CEP95: variants seen among roughly 807,000 people sequenced by gnomAD.
CEP95 encodes the protein centrosomal protein of 95 kDa.
CEP95 carries 98 observed loss-of-function variants against 111.2 expected under a neutral mutation model. The observed-to-expected ratio is 0.88, with a 90% CI of 0.75 to 1.04. CEP95 has a LOEUF of 1.04. Ranked by LOEUF, CEP95 falls within the 50% of genes least tolerant of loss-of-function variation. The pLI, the probability that CEP95 is intolerant of heterozygous loss-of-function variation, is 0.00. For missense variants in CEP95, 1,027 were observed against 977.2 expected (o/e 1.05, Z -0.68); for synonymous variants, 323 against 327.1 (o/e 0.99, Z 0.14).
intron 14 of CEP95, 131 bp downstream of exon 14, chr17:64,532,153 A>T: frequency 7.3e-7 from 1 of 1,366,030 alleles, no homozygotes. Context: ...TTTCCCAATC[A>T]CTGCCATGTG....
chr17:64,515,963 C>G (rs1555676239), intron 4 of CEP95: 1 of 152,186 alleles, frequency 6.6e-6, no homozygotes, highest in African/African-American at 2.4e-5. Flanking sequence ...CTCTCTAAGC[C>G]TGTTTTCTCA....
chr17:64,516,550 A>G (rs1394659817), intron 4 of CEP95, among the ~76,000 whole-genome samples, 173 bp from the exon 5 acceptor site: 4 of 152,226 alleles, frequency 2.6e-5, no homozygotes, highest in Non-Finnish European at 1.5e-5. Context: ...TACTCGAATA[A>G]TACATGCTCA....
chr17:64,525,527 G>A (rs782004318), intron 8 of CEP95, among the ~76,000 whole-genome samples: 1 of 152,150 alleles, frequency 6.6e-6, no homozygotes, highest in Non-Finnish European at 1.5e-5. Flanking sequence ...GAGAACACCT[G>A]GCCTGTGTTT....
chr17:64,521,595 A>G, intron 7 of CEP95, 68 bp downstream of exon 7: 7 of 1,476,732 alleles, frequency 4.7e-6, no homozygotes, highest in South Asian at 1.3e-5. Context: ...TGTTGCCATT[A>G]GCCTTTTTAC....
At chr17:64,537,517 G>T in intron 19 of CEP95, 86 bp from the exon 20 acceptor site, 1 of 1,458,630 alleles carries the variant, frequency 6.9e-7, no homozygotes. Flanking sequence ...GGAGGAGTTT[G>T]ATTAGCTGGA....
At chr17:64,507,277 A>G (rs886149103) in intron 1 of CEP95, 161 bp downstream of exon 1, 3 of 1,478,832 alleles carry the variant, frequency 2.0e-6, no homozygotes, top group Non-Finnish European at 2.7e-6. Flanking sequence ...TCTCAGCTTC[A>G]CCACCTCTTC....
At chr17:64,537,444 C>A in intron 19 of CEP95, 159 bp from the exon 20 acceptor site, 2 of 1,377,712 alleles carry the variant, frequency 1.5e-6, no homozygotes, top group South Asian at 2.0e-5. Flanking sequence ...CATTTTTATC[C>A]TATGATTTTA....
intron 3 of CEP95, among the ~76,000 whole-genome samples, chr17:64,510,673 C>T (rs2038844405): frequency 6.7e-6 from 1 of 149,502 alleles, no homozygotes; most frequent in Admixed American, 6.6e-5. Flanking sequence ...CCTCAGCCTC[C>T]CGGGTAGCCG....
intron 5 of CEP95, among the ~76,000 whole-genome samples, chr17:64,517,773 ATCC>A (rs1966988925): frequency 6.8e-6 from 1 of 148,022 alleles, no homozygotes; most frequent in Non-Finnish European, 1.5e-5. Flanking sequence ...GCCTCAAGCG[ATCC>A]TCCTGCTGCA....
chr17:64,529,019 C>T (rs1312509042), intron 11 of CEP95, among the ~76,000 whole-genome samples: 1 of 152,218 alleles, frequency 6.6e-6, no homozygotes, highest in Non-Finnish European at 1.5e-5. Context: ...ACCAAGAGCA[C>T]TCTCCATAGT....
At chr17:64,518,762 C>A (rs1967079010) in intron 5 of CEP95, among the ~76,000 whole-genome samples, 1 of 151,874 alleles carries the variant, frequency 6.6e-6, no homozygotes, top group Non-Finnish European at 1.5e-5. Context: ...CTCACTGCAA[C>A]CTCTGCCTCC....
At chr17:64,536,932 A>G in intron 18 of CEP95, 109 bp from the exon 19 acceptor site, 1 of 1,232,652 alleles carries the variant, frequency 8.1e-7, no homozygotes, top group Non-Finnish European at 1.1e-6. Context: ...AGTACAGTAT[A>G]TTTCCCTATT....
intron 8 of CEP95, among the ~76,000 whole-genome samples, chr17:64,523,521 C>G (rs1430017518): frequency 3.3e-5 from 5 of 152,036 alleles, no homozygotes; most frequent in African/African-American, 1.2e-4. Context: ...GAGCCAAGAT[C>G]ACGCCACTGC....
intron 3 of CEP95, 145 bp from the exon 4 acceptor site, chr17:64,514,103 A>T: frequency 4.6e-6 from 2 of 436,128 alleles, no homozygotes; most frequent in Non-Finnish European, 8.3e-6. Flanking sequence ...TCTTTTTTTT[A>T]TTTAATCTCC....
intron 15 of CEP95, 36 bp from the exon 16 acceptor site, chr17:64,533,081 A>G: frequency 1.9e-6 from 3 of 1,607,324 alleles, no homozygotes; most frequent in East Asian, 2.2e-5. Context: ...AGTGAACAGC[A>G]TTATTAACCT....
intron 8 of CEP95, 21 bp from the exon 9 acceptor site, chr17:64,525,749 C>CTTT (rs528883278): frequency 6.6e-7 from 1 of 1,519,480 alleles, no homozygotes. Context: ...TTCAAATCAA[C>CTTT]TTTTTTTCTG....
At chr17:64,519,255 C>T in intron 5 of CEP95, 66 bp from the exon 6 acceptor site, 1 of 1,004,198 alleles carries the variant, frequency 1.0e-6, no homozygotes, top group South Asian at 1.3e-5. Context: ...CAGCAGCTCT[C>T]CAGGTCCTCA....
chr17:64,509,970 G>A (rs151139666), intron 2 of CEP95, among the ~76,000 whole-genome samples: 242 of 151,770 alleles, frequency 1.6e-3, no homozygotes, highest in African/African-American at 5.3e-3. Context: ...TTGATAAATC[G>A]GTTCAATCAA....
chr17:64,507,282 C>A, intron 1 of CEP95, 166 bp downstream of exon 1: 1 of 1,473,706 alleles, frequency 6.8e-7, no homozygotes, highest in East Asian at 2.5e-5. Context: ...GCTTCACCAC[C>A]TCTTCGCTTC....
Sources: allele counts gnomAD v4.1 joint callset (sites outside exome capture counted in the v4.1 genomes callset), GRCh38; gene constraint gnomAD v4.1.1; transcripts MANE v1.5; gene names NCBI Gene and HGNC (gene_info 2026-07-23, HGNC 2026-07-21).